Variants in WDR82 observed in about 807,000 individuals in gnomAD.
The protein encoded by WDR82 is WD repeat-containing protein 82.
Under a neutral mutation model 36.1 loss-of-function variants are expected in WDR82, and 8 were observed. The ratio of observed to expected loss-of-function variants is 0.22; its 90% confidence interval spans 0.13 to 0.40. The LOEUF (loss-of-function observed/expected upper bound fraction) is 0.40. Ranked by LOEUF, WDR82 falls within the 10% of genes least tolerant of loss-of-function variation. WDR82 has a pLI of 1.00. For missense variants in WDR82, 185 were observed against 400.5 expected (o/e 0.46, Z 4.59); for synonymous variants, 129 against 137.8 (o/e 0.94, Z 0.45).
intron 3 of WDR82, among the ~76,000 whole-genome samples, chr3:52,264,849 G>A (rs1306445788): frequency 2.0e-5 from 3 of 151,966 alleles, no homozygotes; most frequent in Non-Finnish European, 4.4e-5. Context: ...GGAGTACAGT[G>A]GCACAATCAT....
chr3:52,257,490 T>C lies in WDR82; in HGVS notation c.942A>G (p.Ter314TrpextTer10). 6.2e-7 allele frequency: 1 copy of C among 1,613,920 alleles called. No individual in the cohort carries two copies. Among genetic ancestry groups the C allele is most frequent in the Non-Finnish European group, 8.5e-7 (1 of 1,179,986 alleles). Residue 314 changes from the stop codon to tryptophan (W), a stop_lost, in exon 9 of 9, where the codon TGA becomes TGG. Transcript: ENST00000296490. Reference sequence around the variant, plus strand: ...CAGAAATAGCCAAGCAGCAACAGGGTCAGTCATCAATGGTGGGCAACCAAA... The same window carrying C: ...CAGAAATAGCCAAGCAGCAACAGGGCCAGTCATCAATGGTGGGCAACCAAA... ...MAFWLPTIDD[*>W]
intron 5 of WDR82, 120 bp downstream of exon 5, chr3:52,260,265 G>A (rs1397649019): frequency 2.0e-5 from 13 of 644,332 alleles, no homozygotes; most frequent in Non-Finnish European, 3.2e-5. Flanking sequence ...GGAGGCAGAG[G>A]TTGCAGTGAG....
At chr3:52,277,991 T>C (rs1214167726) in intron 1 of WDR82, 1 of 400,744 alleles carries the variant, frequency 2.5e-6, no homozygotes, top group Non-Finnish European at 4.3e-6. Context: ...CAAATAATAT[T>C]ATAAAATTAT....
chr3:52,266,769 ACCTAC>A (rs1700110208), intron 3 of WDR82, among the ~76,000 whole-genome samples, 178 bp downstream of exon 3: 1 of 152,096 alleles, frequency 6.6e-6, no homozygotes, highest in Non-Finnish European at 1.5e-5. Flanking sequence ...ATCTCTGAAC[ACCTAC>A]CTCTGCACCT....
At chr3:52,277,226 T>C (rs1192522183) in intron 1 of WDR82, among the ~76,000 whole-genome samples, 1 of 152,128 alleles carries the variant, frequency 6.6e-6, no homozygotes, top group Non-Finnish European at 1.5e-5. Context: ...AACTAGTTTT[T>C]GGCTCCAAGG....
At chr3:52,277,604 G>C (rs1019274826) in intron 1 of WDR82, among the ~76,000 whole-genome samples, 2 of 152,200 alleles carry the variant, frequency 1.3e-5, no homozygotes, top group Admixed American at 1.3e-4. Flanking sequence ...TAAGAGAAAG[G>C]CTAGGAGCAG....
intron 2 of WDR82, among the ~76,000 whole-genome samples, chr3:52,269,928 C>A (rs1700138914): frequency 6.6e-6 from 1 of 152,164 alleles, no homozygotes; most frequent in Admixed American, 6.5e-5. Flanking sequence ...TAACTCTACT[C>A]TTTAGATCAA....
chr3:52,278,449 G>A lies in WDR82; in HGVS notation c.-88C>T, dbSNP rs1258154315. ...GGGCTGCCGAGGGGCCAACCCAGGCGGGGCGGGCGCCGCGCCGGCGGCTAG... is the reference window on the plus strand; with the variant it reads ...GGGCTGCCGAGGGGCCAACCCAGGCAGGGCGGGCGCCGCGCCGGCGGCTAG... On this transcript the variant is annotated 5_prime_UTR_variant, in exon 1 of 9. Transcript: ENST00000296490. 7.1e-6 allele frequency: 8 copies of A among 1,124,748 alleles called. No individual in the cohort carries two copies. Among genetic ancestry groups the A allele is most frequent in the Non-Finnish European group, 8.8e-6 (8 of 909,618 alleles). The allele number at this position is 1,124,748 out of a possible 1,614,324, so 69.7% of individuals were successfully genotyped here. A position where few individuals can be genotyped will look rare whatever the true frequency, so the allele number is the denominator to read the frequency against.
At chr3:52,270,551 C>G (rs1009425829) in intron 2 of WDR82, among the ~76,000 whole-genome samples, 161 bp downstream of exon 2, 3 of 152,366 alleles carry the variant, frequency 2.0e-5, no homozygotes, top group African/African-American at 7.2e-5. Flanking sequence ...CAATGGCTTG[C>G]TTCCAGCATT....
At chr3:52,274,945 G>A (rs1258193414) in intron 1 of WDR82, among the ~76,000 whole-genome samples, 9 of 151,952 alleles carry the variant, frequency 5.9e-5, no homozygotes, top group Non-Finnish European at 8.8e-5. Context: ...AAGAAAGGCC[G>A]GGCGCAGTGG....
chr3:52,276,410 G>A (rs940603313), intron 1 of WDR82, among the ~76,000 whole-genome samples: 2 of 151,190 alleles, frequency 1.3e-5, no homozygotes, highest in Non-Finnish European at 1.5e-5. Context: ...CAGCCTGGGC[G>A]ACGGAGAGAG....
intron 1 of WDR82, 170 bp downstream of exon 1, chr3:52,278,031 A>T (rs1204114142): frequency 6.1e-6 from 3 of 491,912 alleles, no homozygotes; most frequent in Non-Finnish European, 1.0e-5. Context: ...TTTTAAGAAG[A>T]AAAAAATAAA....
At chr3:52,274,338 T>A (rs1700181963) in intron 1 of WDR82, among the ~76,000 whole-genome samples, 1 of 149,250 alleles carries the variant, frequency 6.7e-6, no homozygotes, top group South Asian at 2.1e-4. Flanking sequence ...GAGGCCTAGG[T>A]GAGAGGATCG....
chr3:52,272,082 T>G (rs767237865), intron 1 of WDR82, among the ~76,000 whole-genome samples: 2 of 152,076 alleles, frequency 1.3e-5, no homozygotes, highest in Non-Finnish European at 2.9e-5. Flanking sequence ...AGAGTGAGAC[T>G]CCACCTCAAT....
At chr3:52,266,930 T>C in intron 3 of WDR82, 22 bp downstream of exon 3, 6 of 1,597,482 alleles carry the variant, frequency 3.8e-6, no homozygotes, top group Non-Finnish European at 5.1e-6. Context: ...AACTATCTGC[T>C]TCTATAATAC....
chr3:52,267,163 TA>T (rs1185335106), intron 2 of WDR82, 145 bp from the exon 3 acceptor site: 6 of 567,118 alleles, frequency 1.1e-5, no homozygotes, highest in Non-Finnish European at 1.8e-5. Context: ...TGAATAATTC[TA>T]CTCTGCAGCT....
rs1700017289 is a variant in WDR82, at chr3:52,257,233, C to T, written c.*257G>A. 3.6e-6 allele frequency: 2 copies of T among 556,902 alleles called. No homozygotes were observed. The highest frequency in any genetic ancestry group is 3.2e-6 in the Non-Finnish European group (1 of 312,956). 34.5% of individuals were successfully genotyped at this position (556,902 alleles called of 1,614,324 possible). ...CCAAATCGTGAGTCTGGTCACTCCT[C>T]CAGCAGAGCTTGGTGCAGTGACAGT... is the stretch of plus-strand genomic sequence containing the variant. On this transcript the variant is annotated 3_prime_UTR_variant, in exon 9 of 9. Transcript: ENST00000296490.
Position 52,257,361 on chromosome 3 carries a change from G to GT in WDR82, c.*128_*129insA. 15 of 1,280,944 alleles carry GT rather than the reference G, an allele frequency of 1.2e-5. No homozygotes were observed. Among genetic ancestry groups the GT allele is most frequent in the Non-Finnish European group, 1.6e-5 (14 of 886,840 alleles). 79.3% of individuals were successfully genotyped at this position (1,280,944 alleles called of 1,614,324 possible). A position where few individuals can be genotyped will look rare whatever the true frequency, so the allele number is the denominator to read the frequency against. ...TTGAGCAGATGTACAGCACATCCAT[G>GT]GGAAGGCCATGTAAAAGGATGTTCT... On this transcript the variant is annotated 3_prime_UTR_variant, in exon 9 of 9. Coordinates refer to ENST00000296490, the MANE Select transcript of WDR82 (RefSeq NM_025222.4).
At chr3:52,268,422 A>G (rs1307669923) in intron 2 of WDR82, 2 of 458,138 alleles carry the variant, frequency 4.4e-6, no homozygotes, top group Non-Finnish European at 9.2e-6. Flanking sequence ...TTGAGACAGG[A>G]AAGGGAACAT....
Sources: allele counts gnomAD v4.1 joint callset (sites outside exome capture counted in the v4.1 genomes callset), GRCh38; gene constraint gnomAD v4.1.1; transcripts MANE v1.5; gene names NCBI Gene and HGNC (gene_info 2026-07-23, HGNC 2026-07-21).